Variants in FER observed in about 807,000 individuals in gnomAD.
The protein encoded by FER is FER tyrosine kinase.
Under a neutral mutation model 111.0 loss-of-function variants are expected in FER, and 63 were observed. That is an observed-to-expected ratio of 0.57 (90% CI 0.46 to 0.70). The LOEUF (loss-of-function observed/expected upper bound fraction) is 0.70, where lower values mean the gene tolerates loss of function less well. FER is among the 30% of genes least tolerant of loss of function. The probability of loss-of-function intolerance (pLI) is 0.00; values close to 1 mark genes in which losing one functional copy is unlikely to be tolerated. For synonymous variants in FER, 327 were observed against 313.9 expected, an observed-to-expected ratio of 1.04 and a Z score of -0.44; for missense variants, 914 against 954.0, an observed-to-expected ratio of 0.96 and a Z score of 0.55.
At chr5:108,847,499 A>G (rs753189513) in intron 5 of FER, among the ~76,000 whole-genome samples, 4 of 152,142 alleles carry the variant, frequency 2.6e-5, no homozygotes, top group Non-Finnish European at 1.5e-5. Flanking sequence ...CTTTGGAGTG[A>G]TCTACATTGT....
At chr5:108,886,732 C>A (rs1329506000) in intron 9 of FER, among the ~76,000 whole-genome samples, 1 of 151,486 alleles carries the variant, frequency 6.6e-6, no homozygotes, top group Non-Finnish European at 1.5e-5. Context: ...GGGGATGAGA[C>A]CTGTTTAACC....
chr5:109,003,548 A>G (rs940751708), intron 13 of FER, among the ~76,000 whole-genome samples: 1 of 152,172 alleles, frequency 6.6e-6, no homozygotes, highest in Non-Finnish European at 1.5e-5. Flanking sequence ...GCACACCAGC[A>G]TGGCACATGT....
intron 17 of FER, among the ~76,000 whole-genome samples, chr5:109,125,405 G>T (rs1479341587): frequency 6.6e-6 from 1 of 152,090 alleles, no homozygotes; most frequent in African/African-American, 2.4e-5. Context: ...ACATAAATAA[G>T]TTTACTAAAT....
chr5:109,011,742 A>C (rs1185615717), intron 13 of FER, among the ~76,000 whole-genome samples: 1 of 152,180 alleles, frequency 6.6e-6, no homozygotes, highest in African/African-American at 2.4e-5. Flanking sequence ...ATCAAACCCA[A>C]TAAATCTACA....
intron 11 of FER, among the ~76,000 whole-genome samples, chr5:108,949,375 G>A (rs993422661): frequency 9.2e-5 from 14 of 151,938 alleles, no homozygotes; most frequent in Admixed American, 3.9e-4. Context: ...CTTAAGTTGC[G>A]CTTTCCCCCC....
chr5:108,906,837 TCTC>T (rs759130177), intron 10 of FER, among the ~76,000 whole-genome samples: 3 of 152,128 alleles, frequency 2.0e-5, no homozygotes, highest in Middle Eastern at 3.2e-3. Flanking sequence ...TTTTAACAAT[TCTC>T]CTTTCTGCCA....
chr5:109,135,539 C>CAGAAGAATT (rs148722054), intron 17 of FER, among the ~76,000 whole-genome samples: 15,959 of 152,112 alleles, frequency 0.1, 846 homozygotes, highest in Non-Finnish European at 0.12. Context: ...TAATGTCATG[C>CAGAAGAATT]AGAAGAATTT....
At chr5:108,779,409 CTTCTTGTCCATGAACATG>C (rs921618701) in intron 2 of FER, among the ~76,000 whole-genome samples, 1 of 152,124 alleles carries the variant, frequency 6.6e-6, no homozygotes, top group African/African-American at 2.4e-5. Flanking sequence ...AATATTGACT[CTTCTTGTCCATGAACATG>C]GAATATCTCT....
intron 2 of FER, chr5:108,785,443 G>A (rs1580512792): frequency 1.7e-6 from 1 of 580,556 alleles, no homozygotes; most frequent in Non-Finnish European, 3.4e-6. Context: ...CTGGCAGCAA[G>A]GCAGAACCAC....
intron 3 of FER, among the ~76,000 whole-genome samples, chr5:108,817,102 TCAAAAAAAAAAAAAAAA>T (rs1758358121): frequency 7.6e-5 from 1 of 13,146 alleles, no homozygotes; most frequent in Non-Finnish European, 1.8e-4. Flanking sequence ...AGACACTGTC[TCAAAAAAAAAAAAAAAA>T]AAAAAAAAAA....
chr5:109,173,053 TTATC>T (rs1435023111), intron 17 of FER, among the ~76,000 whole-genome samples: 3 of 152,208 alleles, frequency 2.0e-5, no homozygotes, highest in South Asian at 2.1e-4. Flanking sequence ...TTCTCTTTCT[TTATC>T]TAGGAATATG....
At chr5:108,776,606 T>G (rs1454096779) in intron 2 of FER, among the ~76,000 whole-genome samples, 1 of 152,190 alleles carries the variant, frequency 6.6e-6, no homozygotes, top group African/African-American at 2.4e-5. Flanking sequence ...AGGAAACTAG[T>G]TATCTGTTTT....
chr5:108,902,941 T>G (rs1472404749), intron 10 of FER, among the ~76,000 whole-genome samples: 1 of 151,728 alleles, frequency 6.6e-6, no homozygotes, highest in Non-Finnish European at 1.5e-5. Context: ...AGAGACATGT[T>G]CTTCATTCTT....
At chr5:109,019,230 A>G (rs1300428503) in intron 13 of FER, among the ~76,000 whole-genome samples, 2 of 151,770 alleles carry the variant, frequency 1.3e-5, no homozygotes, top group African/African-American at 4.8e-5. Flanking sequence ...TAATTTCATT[A>G]AAAGAAAAAT....
intron 17 of FER, among the ~76,000 whole-genome samples, chr5:109,148,678 C>T (rs961399641): frequency 2.6e-5 from 4 of 152,046 alleles, no homozygotes; most frequent in African/African-American, 9.7e-5. Flanking sequence ...AAAGGTTTTC[C>T]TCAAAGGGTT....
chr5:108,996,902 T>C (rs1272235813), intron 13 of FER, among the ~76,000 whole-genome samples: 1 of 152,216 alleles, frequency 6.6e-6, no homozygotes, highest in East Asian at 1.9e-4. Flanking sequence ...GAGCATGGAA[T>C]GTTTTTTCAT....
At chr5:108,928,410 G>A (rs949034139) in intron 10 of FER, among the ~76,000 whole-genome samples, 1 of 152,114 alleles carries the variant, frequency 6.6e-6, no homozygotes, top group Non-Finnish European at 1.5e-5. Context: ...ATATATTTCA[G>A]TTTTTGGTGA....
chr5:109,196,670 T>C lies in FER; in HGVS notation c.*9095T>C, dbSNP rs535037440. The C allele has an allele frequency of 6.6e-6, 1 of 152,310 alleles. No individual in the cohort carries two copies. The highest frequency in any genetic ancestry group is 6.5e-5 in the Admixed American group (1 of 15,300). 9.4% of individuals were successfully genotyped at this position (152,310 alleles called of 1,614,324 possible). A position where few individuals can be genotyped will look rare whatever the true frequency, so the allele number is the denominator to read the frequency against. ...AATACACTTTGAACTTTGGCTAACA[T>C]TGTAGGATATTTTTTAATTGTTTCT... On this transcript the variant is annotated 3_prime_UTR_variant, in exon 20 of 20. Transcript: ENST00000281092.
At chr5:108,823,218 A>G (rs1315427226) in intron 3 of FER, among the ~76,000 whole-genome samples, 2 of 152,214 alleles carry the variant, frequency 1.3e-5, no homozygotes, top group Non-Finnish European at 2.9e-5. Context: ...AATAATATGC[A>G]AGCTGTAGCA....
Sources: allele counts gnomAD v4.1 joint callset (sites outside exome capture counted in the v4.1 genomes callset), GRCh38; gene constraint gnomAD v4.1.1; transcripts MANE v1.5; gene names NCBI Gene and HGNC (gene_info 2026-07-23, HGNC 2026-07-21).